PTPN14: variants seen among roughly 807,000 people sequenced by gnomAD.
PTPN14 encodes the protein tyrosine-protein phosphatase non-receptor type 14.
In PTPN14, 53 loss-of-function variants were observed where a neutral mutation model predicts 126.8. The ratio of observed to expected loss-of-function variants is 0.42; its 90% CI spans 0.34 to 0.53. The LOEUF is 0.53. Among genes scored for constraint, PTPN14 ranks in the 20% least tolerant of loss-of-function variants. The pLI, the probability that PTPN14 is intolerant of heterozygous loss-of-function variation, is 0.08. For missense variants in PTPN14, 1,257 were observed against 1,552.9 expected (o/e 0.81, Z 3.20); for synonymous variants, 630 against 599.3 (o/e 1.05, Z -0.75).
At chr1:214,525,080 A>G (rs1655353102) in intron 1 of PTPN14, among the ~76,000 whole-genome samples, 1 of 152,242 alleles carries the variant, frequency 6.6e-6, no homozygotes, top group Non-Finnish European at 1.5e-5. Flanking sequence ...TATATGTAAC[A>G]TATAGCAGTC....
rs554312236 is a variant in PTPN14, at chr1:214,397,317, C to T, written c.758+596G>A. On this transcript the variant is annotated intron_variant, in intron 8 of 18. Transcript: ENST00000366956. The stretch of plus-strand genomic sequence containing the variant: ...TTGCCCTTGTAAATGAAAGCTAGAA[C>T]ACAGTTTTTCAGATCATTGGCATTA... Among the ~76,000 whole-genome samples the T allele has an allele frequency of 5.9e-5, 9 of 152,260 alleles. No individual in the cohort carries two copies. In the South Asian group the frequency reaches 1.7e-3, roughly 28 times the overall value.
At chr1:214,500,670 C>T (rs138999999) in intron 1 of PTPN14, among the ~76,000 whole-genome samples, 91 of 152,062 alleles carry the variant, frequency 6.0e-4, no homozygotes, top group Admixed American at 4.1e-3. Flanking sequence ...AGATTTTAAC[C>T]GATATAAGGC....
intron 1 of PTPN14, among the ~76,000 whole-genome samples, chr1:214,479,111 C>A (rs960744492): frequency 6.6e-6 from 1 of 151,674 alleles, no homozygotes; most frequent in Non-Finnish European, 1.5e-5. Context: ...TTTGGGAGAT[C>A]GAGGTGGAAT....
At chr1:214,360,234 T>C (rs1397839800) in intron 18 of PTPN14, among the ~76,000 whole-genome samples, 1 of 152,190 alleles carries the variant, frequency 6.6e-6, no homozygotes, top group Non-Finnish European at 1.5e-5. Context: ...TTCCAAGCCG[T>C]GTATAGGTAT....
intron 5 of PTPN14, among the ~76,000 whole-genome samples, chr1:214,407,263 G>A (rs1248126591): frequency 6.6e-6 from 1 of 152,148 alleles, no homozygotes; most frequent in African/African-American, 2.4e-5. Context: ...AGTGGCTCAC[G>A]CCTGTAATCC....
At chr1:214,374,708 T>C (rs1386403784) in intron 15 of PTPN14, among the ~76,000 whole-genome samples, 1 of 152,200 alleles carries the variant, frequency 6.6e-6, no homozygotes, top group East Asian at 1.9e-4. Flanking sequence ...AATGCACCCA[T>C]GTCTAACCCG....
chr1:214,512,515 CAG>C (rs1655003202), intron 1 of PTPN14, among the ~76,000 whole-genome samples: 2 of 152,010 alleles, frequency 1.3e-5, no homozygotes, highest in South Asian at 4.2e-4. Flanking sequence ...TTCATGGAAA[CAG>C]AGCAGAATGG....
Position 214,357,975 on chromosome 1 carries a change from T to C in PTPN14, c.3511A>G (p.Lys1171Glu), listed in dbSNP as rs1316490710. Reference sequence around the variant, plus strand: ...TGGATGAGGACTTGGTAGACAAACTTGTACTGAGCGATAGTCTGGATCATG... The same window carrying C: ...TGGATGAGGACTTGGTAGACAAACTCGTACTGAGCGATAGTCTGGATCATG... ...MFMIQTIAQY[K>E]FVYQVLIQFL... The change falls in exon 19 of 19, where the codon AAG becomes GAG. Residue 1171 changes from lysine to glutamate, a missense_variant. Lys to Glu is a moderately conservative substitution (Grantham distance 56, BLOSUM62 1). Transcript: ENST00000366956. The C allele has an allele frequency of 1.9e-6, 3 of 1,613,346 alleles. No homozygotes were observed. The highest frequency in any genetic ancestry group is 2.7e-5 in the African/African-American group (2 of 74,894).
chr1:214,448,601 A>G (rs1214297580), intron 3 of PTPN14, among the ~76,000 whole-genome samples: 1 of 152,092 alleles, frequency 6.6e-6, no homozygotes, highest in Non-Finnish European at 1.5e-5. Context: ...AGCTCTAGAC[A>G]TTACAACCAG....
intron 1 of PTPN14, among the ~76,000 whole-genome samples, chr1:214,509,587 T>C (rs990903321): frequency 1.3e-5 from 2 of 152,206 alleles, no homozygotes; most frequent in African/African-American, 2.4e-5. Flanking sequence ...TTCACTGGAG[T>C]GGCAATTTTT....
intron 1 of PTPN14, among the ~76,000 whole-genome samples, chr1:214,527,552 AAATT>A (rs2102465048): frequency 6.6e-6 from 1 of 152,296 alleles, no homozygotes; most frequent in Admixed American, 6.5e-5. Flanking sequence ...TCTTCTCTAA[AAATT>A]AATTATATAT....
intron 1 of PTPN14, among the ~76,000 whole-genome samples, chr1:214,470,169 G>T (rs751280390): frequency 4.6e-5 from 7 of 152,034 alleles, no homozygotes; most frequent in Admixed American, 4.6e-4. Flanking sequence ...TGCACCTGTA[G>T]TCTCAGCTAC....
chr1:214,498,130 T>A (rs1654581779), intron 1 of PTPN14, among the ~76,000 whole-genome samples: 2 of 152,352 alleles, frequency 1.3e-5, no homozygotes, highest in African/African-American at 2.4e-5. Context: ...GGGGAAGTAT[T>A]TCTTATTTAA....
At chr1:214,526,051 T>C (rs1466209006) in intron 1 of PTPN14, among the ~76,000 whole-genome samples, 1 of 151,362 alleles carries the variant, frequency 6.6e-6, no homozygotes, top group Non-Finnish European at 1.5e-5. Flanking sequence ...CTGCAGCCCC[T>C]GTCTCCTGGG....
At chr1:214,446,812 A>T (rs1421979712) in intron 3 of PTPN14, among the ~76,000 whole-genome samples, 1 of 152,196 alleles carries the variant, frequency 6.6e-6, no homozygotes, top group Non-Finnish European at 1.5e-5. Flanking sequence ...ATGGCTGGTC[A>T]TGACTAATGC....
intron 1 of PTPN14, among the ~76,000 whole-genome samples, chr1:214,523,850 C>CTTTTTTTTTTTTTTT (rs1286518641): frequency 7.4e-6 from 1 of 134,498 alleles, no homozygotes; most frequent in African/African-American, 2.8e-5. Context: ...TAATCAGATT[C>CTTTTTTTTTTTTTTT]TTTTTTTTTT....
chr1:214,437,037 G>C (rs1428915861), intron 3 of PTPN14, among the ~76,000 whole-genome samples: 2 of 150,938 alleles, frequency 1.3e-5, no homozygotes, highest in Non-Finnish European at 2.9e-5. Flanking sequence ...CTTAAATATA[G>C]TGTACTTCTA....
chr1:214,379,578 T>A (rs1035010449), intron 13 of PTPN14, among the ~76,000 whole-genome samples: 1 of 152,186 alleles, frequency 6.6e-6, no homozygotes, highest in African/African-American at 2.4e-5. Context: ...ATCACTAAGC[T>A]AAAAGGAAAA....
intron 3 of PTPN14, among the ~76,000 whole-genome samples, chr1:214,436,530 CT>C (rs1659920084): frequency 6.6e-6 from 1 of 152,146 alleles, no homozygotes. Context: ...GGTACAGTGG[CT>C]CATGCCTGTA....
Sources: gnomAD v4.1 joint callset for allele counts (sites outside exome capture counted in the v4.1 genomes callset) on GRCh38, gnomAD v4.1.1 for gene constraint, MANE v1.5 for transcripts, NCBI Gene and HGNC (gene_info 2026-07-23, HGNC 2026-07-21) for gene names.